Variants in GLP2R observed in about 807,000 individuals in gnomAD.
GLP2R encodes glucagon like peptide 2 receptor.
Under a neutral mutation model 68.2 loss-of-function variants are expected in GLP2R, and 59 were observed. The observed-to-expected ratio is 0.87, with a 90% confidence interval of 0.70 to 1.07. The LOEUF is 1.07. GLP2R is among the 50% of genes least tolerant of loss of function. The probability of loss-of-function intolerance (pLI) is 0.00; values close to 1 mark genes in which losing one functional copy is unlikely to be tolerated. For missense variants in GLP2R, 548 were observed against 677.4 expected (o/e 0.81, Z 2.12); for synonymous variants, 270 against 265.4 (o/e 1.02, Z -0.17).
At chr17:9,871,337 C>T (rs1446522982) in intron 10 of GLP2R, among the ~76,000 whole-genome samples, 1 of 145,800 alleles carries the variant, frequency 6.9e-6, no homozygotes, top group Non-Finnish European at 1.5e-5. Context: ...CTGGGTGACC[C>T]TGTCTCAAAA....
intron 4 of GLP2R, among the ~76,000 whole-genome samples, chr17:9,850,032 A>G (rs1175534337): frequency 6.6e-6 from 1 of 152,214 alleles, no homozygotes; most frequent in Non-Finnish European, 1.5e-5. Context: ...ACTGGATTAA[A>G]GGCAGGTGCA....
intron 1 of GLP2R, among the ~76,000 whole-genome samples, chr17:9,829,596 C>T (rs7207113): frequency 0.19 from 29,550 of 151,982 alleles, 3,990 homozygotes; most frequent in African/African-American, 0.37. Context: ...GGATGCTTTA[C>T]TTCATTTATT....
At chr17:9,879,300 TA>T (rs1192780828) in intron 10 of GLP2R, among the ~76,000 whole-genome samples, 16 of 73,906 alleles carry the variant, frequency 2.2e-4, no homozygotes, top group South Asian at 5.3e-4. Context: ...ATAAATAAAA[TA>T]AAATAAAATA....
At chr17:9,837,991 A>T (rs977835191) in intron 3 of GLP2R, among the ~76,000 whole-genome samples, 4 of 152,194 alleles carry the variant, frequency 2.6e-5, no homozygotes, top group Admixed American at 1.3e-4. Flanking sequence ...GAAGGAAGAT[A>T]CATTTCTGGG....
At chr17:9,856,279 C>T (rs1351686889) in intron 5 of GLP2R, among the ~76,000 whole-genome samples, 2 of 152,192 alleles carry the variant, frequency 1.3e-5, no homozygotes, top group Admixed American at 1.3e-4. Context: ...TTCGGCCAAG[C>T]CTGGGACAAC....
chr17:9,861,048 CCACCTGTGG>C lies in GLP2R; in HGVS notation c.926-90_926-82del. The C allele has an allele frequency of 3.5e-6, 3 of 863,142 alleles. No individual in the cohort carries two copies. In the South Asian group the frequency reaches 4.1e-5, roughly 12 times the overall value. The allele number at this position is 863,142 out of a possible 1,614,324, so 53.5% of individuals were successfully genotyped here. A position where few individuals can be genotyped will look rare whatever the true frequency, so the allele number is the denominator to read the frequency against. On this transcript the variant is annotated intron_variant, in intron 7 of 12. Transcript: ENST00000262441. Reference sequence around the variant, plus strand: ...CATGATGTTAGGTTTGATGTTGTAACCACCTGTGGTTAGCCTCATCCGCTGTGGTGGGAG... The same window carrying C: ...CATGATGTTAGGTTTGATGTTGTAACTTAGCCTCATCCGCTGTGGTGGGAG...
intron 5 of GLP2R, among the ~76,000 whole-genome samples, chr17:9,856,568 A>C (rs2066935452): frequency 6.6e-6 from 1 of 152,214 alleles, no homozygotes; most frequent in Non-Finnish European, 1.5e-5. Flanking sequence ...CATAAGGAAG[A>C]GGTGATGAGA....
intron 8 of GLP2R, 80 bp downstream of exon 8, chr17:9,861,279 T>C: frequency 1.0e-6 from 1 of 969,568 alleles, no homozygotes; most frequent in Non-Finnish European, 1.7e-6. Context: ...GACATCATTT[T>C]ACCGTAGAAA....
At chr17:9,857,771 A>AG (rs72533817) in intron 6 of GLP2R, among the ~76,000 whole-genome samples, 195 bp downstream of exon 6, 1 of 118,396 alleles carries the variant, frequency 8.4e-6, no homozygotes, top group Non-Finnish European at 1.7e-5. Flanking sequence ...AAGAAACCAA[A>AG]ACAGAAGGGT....
intron 1 of GLP2R, among the ~76,000 whole-genome samples, chr17:9,830,209 C>T (rs958748263): frequency 1.2e-4 from 19 of 152,186 alleles, no homozygotes; most frequent in African/African-American, 4.3e-4. Context: ...GGCCATTGGC[C>T]ATGGCAAAGA....
At chr17:9,850,615 C>T (rs1388101911) in intron 4 of GLP2R, among the ~76,000 whole-genome samples, 3 of 152,132 alleles carry the variant, frequency 2.0e-5, no homozygotes, top group Non-Finnish European at 4.4e-5. Flanking sequence ...GCTCCAGCTT[C>T]CCACCATGGT....
intron 7 of GLP2R, 22 bp from the exon 8 acceptor site, chr17:9,861,117 T>A (rs2152040047): frequency 6.2e-7 from 1 of 1,609,638 alleles, no homozygotes; most frequent in East Asian, 2.2e-5. Context: ...CCTAACTACA[T>A]TTCCCTGTGT....
At position 9,851,208 on chromosome 17, in the gene GLP2R, C is replaced by T. The variant is rs113600838; in HGVS notation, c.505-3287C>T. ...AATTAAATGTGTTAGCCTCATATCTCCAATAAAATAAATCATGCTATTCGA... is the reference window on the plus strand; with the variant it reads ...AATTAAATGTGTTAGCCTCATATCTTCAATAAAATAAATCATGCTATTCGA... On this transcript the variant is annotated intron_variant, in intron 4 of 12. Transcript: ENST00000262441. Among the ~76,000 whole-genome samples, 667 of 152,150 alleles carry T rather than the reference C, an allele frequency of 4.4e-3. 7 individuals carry two copies. The highest frequency in any genetic ancestry group is 0.015 in the African/African-American group (630 of 41,544).
chr17:9,846,163 A>G (rs1469935848), intron 4 of GLP2R, among the ~76,000 whole-genome samples: 1 of 152,190 alleles, frequency 6.6e-6, no homozygotes, highest in African/African-American at 2.4e-5. Flanking sequence ...GCTTTGATGT[A>G]TTTCATATTG....
chr17:9,876,827 T>C (rs573471668), intron 10 of GLP2R, among the ~76,000 whole-genome samples: 1 of 152,322 alleles, frequency 6.6e-6, no homozygotes, highest in Non-Finnish European at 1.5e-5. Flanking sequence ...AAAAATTGAG[T>C]TATAAGCAAC....
At chr17:9,869,387 A>G (rs945303770) in intron 9 of GLP2R, among the ~76,000 whole-genome samples, 1 of 152,184 alleles carries the variant, frequency 6.6e-6, no homozygotes, top group Admixed American at 6.5e-5. Context: ...GCTGTGAAAG[A>G]CCCTGCAGAA....
At chr17:9,871,168 G>A (rs1233150840) in intron 10 of GLP2R, among the ~76,000 whole-genome samples, 9 of 152,120 alleles carry the variant, frequency 5.9e-5, no homozygotes, top group Admixed American at 1.3e-4. Context: ...ATGAGTTTGA[G>A]AACAGCCTGG....
rs140601022 is a variant in GLP2R, at chr17:9,889,693, G to C, written c.1650G>C (p.Glu550Asp). The change falls in exon 13 of 13, where the codon GAG (glutamate) becomes GAC (aspartate). Residue 550 changes from glutamate to aspartate, a missense_variant. Physicochemically the swap from Glu to Asp is conservative, Grantham distance 45. Transcript: ENST00000262441. ...MANTMEEILE[E>D]SEI Reference sequence around the variant, plus strand: ...ACACCATGGAGGAGATTCTGGAAGAGAGTGAGATCTAGGGTGGAGTTCCAC... The same window carrying C: ...ACACCATGGAGGAGATTCTGGAAGACAGTGAGATCTAGGGTGGAGTTCCAC... 7 of 1,564,614 alleles carry C rather than the reference G, an allele frequency of 4.5e-6. No individual in the cohort carries two copies. Among genetic ancestry groups the C allele is most frequent in the Admixed American group, 1.9e-5 (1 of 53,832 alleles).
intron 1 of GLP2R, among the ~76,000 whole-genome samples, chr17:9,830,101 T>C (rs1337115100): frequency 6.6e-6 from 1 of 152,244 alleles, no homozygotes; most frequent in Non-Finnish European, 1.5e-5. Context: ...TTTTTATGTC[T>C]TTAGGGCAAG....
Sources: gnomAD v4.1 joint callset for allele counts (sites outside exome capture counted in the v4.1 genomes callset) on GRCh38, gnomAD v4.1.1 for gene constraint, MANE v1.5 for transcripts, NCBI Gene and HGNC (gene_info 2026-07-23, HGNC 2026-07-21) for gene names.